Variants in LZTFL1 observed in about 807,000 individuals in gnomAD.
LZTFL1 encodes leucine zipper transcription factor-like protein 1.
A neutral mutation model predicts 45.9 loss-of-function variants in LZTFL1; 25 were observed. That is an observed-to-expected ratio of 0.54 (90% confidence interval 0.40 to 0.76). The LOEUF (loss-of-function observed/expected upper bound fraction) is 0.76, where lower values mean the gene tolerates loss of function less well. LZTFL1 is among the 30% of genes least tolerant of loss of function. The pLI is 0.00. For missense variants in LZTFL1, 277 were observed against 331.1 expected (o/e 0.84, Z 1.27); for synonymous variants, 93 against 117.4 (o/e 0.79, Z 1.35).
intron 9 of LZTFL1, 151 bp downstream of exon 9, chr3:45,827,205 G>C: frequency 1.5e-6 from 1 of 661,988 alleles, no homozygotes; most frequent in South Asian, 1.7e-5. Flanking sequence ...GGTCAGGCCA[G>C]AGCTCCTCCA....
intron 2 of LZTFL1, among the ~76,000 whole-genome samples, chr3:45,880,667 GT>G (rs1347109418): frequency 2.0e-5 from 3 of 152,162 alleles, no homozygotes; most frequent in Non-Finnish European, 1.5e-5. Context: ...CCTCCTGCCT[GT>G]TGGTCTTTCT....
intron 4 of LZTFL1, among the ~76,000 whole-genome samples, chr3:45,848,137 A>G (rs886172951): frequency 4.1e-4 from 62 of 152,190 alleles, no homozygotes; most frequent in African/African-American, 1.4e-3. Context: ...TATATTAGAG[A>G]TGCCTTTCTT....
Position 45,901,199 on chromosome 3 carries a change from C to A in LZTFL1, c.-215+11921G>T. On this transcript the variant is annotated intron_variant, in intron 2 of 4. Transcript: ENST00000472635. The surrounding 1 kb of genome is among the most constrained non-coding windows in gnomAD (Gnocchi z 4.3). Reference sequence around the variant, plus strand: ...ACTTCTACAGCTGTGTGTTGCTGATCATGTGCATCAGCGTGGACAGGTACA... The same window carrying A: ...ACTTCTACAGCTGTGTGTTGCTGATAATGTGCATCAGCGTGGACAGGTACA... The A allele has an allele frequency of 6.2e-7, 1 of 1,614,050 alleles. No individual in the cohort carries two copies. Among genetic ancestry groups the A allele is most frequent in the Non-Finnish European group, 8.5e-7 (1 of 1,179,886 alleles).
chr3:45,850,137 A>G (rs775378203), intron 4 of LZTFL1, among the ~76,000 whole-genome samples: 1 of 152,246 alleles, frequency 6.6e-6, no homozygotes, highest in Non-Finnish European at 1.5e-5. Context: ...AAAACCTTCT[A>G]CAATGTGAGT....
intron 2 of LZTFL1, among the ~76,000 whole-genome samples, chr3:45,882,832 A>G (rs1701886160): frequency 7.0e-6 from 1 of 142,862 alleles, no homozygotes; most frequent in Non-Finnish European, 1.5e-5. Flanking sequence ...TATTATTATT[A>G]TTAACATTTT....
At chr3:45,870,720 G>A (rs1338853998) in intron 2 of LZTFL1, among the ~76,000 whole-genome samples, 8 of 152,268 alleles carry the variant, frequency 5.3e-5, no homozygotes, top group Non-Finnish European at 2.9e-5. Context: ...ACACAATTAA[G>A]CAATTTATTC....
At chr3:45,885,394 C>G (rs778167431) in intron 2 of LZTFL1, among the ~76,000 whole-genome samples, 37 of 152,174 alleles carry the variant, frequency 2.4e-4, no homozygotes, top group Non-Finnish European at 3.5e-4. Flanking sequence ...ATTAAAAATG[C>G]AATATTTTGT....
chr3:45,852,923 G>A (rs2125703137), intron 4 of LZTFL1, among the ~76,000 whole-genome samples: 1 of 152,312 alleles, frequency 6.6e-6, no homozygotes, highest in South Asian at 2.1e-4. Flanking sequence ...TTCAGGCCAT[G>A]AGACCTAGAT....
chr3:45,899,080 C>T (rs954502208), intron 2 of LZTFL1, among the ~76,000 whole-genome samples: 6 of 152,198 alleles, frequency 3.9e-5, no homozygotes, highest in Non-Finnish European at 7.4e-5. Flanking sequence ...GCAGGAGAAT[C>T]GCTTGAACCT....
chr3:45,847,345 C>A (rs1342756142), intron 4 of LZTFL1, among the ~76,000 whole-genome samples: 1 of 152,130 alleles, frequency 6.6e-6, no homozygotes, highest in Non-Finnish European at 1.5e-5. Context: ...TCTTTCCAGA[C>A]CTCCATGATG....
At chr3:45,862,340 C>G (rs1313684581) in intron 2 of LZTFL1, among the ~76,000 whole-genome samples, 1 of 152,214 alleles carries the variant, frequency 6.6e-6, no homozygotes, top group African/African-American at 2.4e-5. Context: ...CAAACCTTGG[C>G]CATGCACGAG....
rs575964115 is a variant in LZTFL1, at chr3:45,835,803, C to T, written c.129-19G>A. The T allele has an allele frequency of 6.4e-7, 1 of 1,553,412 alleles. No individual in the cohort carries two copies. The highest frequency in any genetic ancestry group is 2.3e-5 in the East Asian group (1 of 43,954). ...CACCAGCCTGAAAAACAACCATGATCCAAAACTTATAGAAAAACAACAAGA... is the reference window on the plus strand; with the variant it reads ...CACCAGCCTGAAAAACAACCATGATTCAAAACTTATAGAAAAACAACAAGA... On this transcript the variant is annotated intron_variant, in intron 2 of 9. Coordinates refer to ENST00000296135, the MANE Select transcript of LZTFL1 (RefSeq NM_020347.4).
At chr3:45,847,436 T>C (rs1407556354) in intron 4 of LZTFL1, among the ~76,000 whole-genome samples, 1 of 152,180 alleles carries the variant, frequency 6.6e-6, no homozygotes, top group African/African-American at 2.4e-5. Flanking sequence ...TAAAGGTCCT[T>C]ATGACCCCCG....
Position 45,897,875 on chromosome 3 carries a change from A to G in LZTFL1, c.-215+15245T>C, listed in dbSNP as rs997331005. Among the ~76,000 whole-genome samples the G allele has an allele frequency of 9.9e-5, 15 of 151,344 alleles. 1 individual carries two copies. The highest frequency in any genetic ancestry group is 9.9e-4 in the Admixed American group (15 of 15,142). ...CTTGCTGGACCGGAGAAGCAACTCC[A>G]GGCAGCAAGACCCCTGGGCCCTCAT... On this transcript the variant is annotated intron_variant, in intron 2 of 4. Transcript: ENST00000472635.
chr3:45,840,644 A>C (rs1273242794), intron 1 of LZTFL1, among the ~76,000 whole-genome samples: 2 of 152,236 alleles, frequency 1.3e-5, no homozygotes. Flanking sequence ...AAGAGCTGAA[A>C]ACATACAGCA....
chr3:45,875,126 A>C (rs963838594), intron 2 of LZTFL1, among the ~76,000 whole-genome samples: 13 of 152,218 alleles, frequency 8.5e-5, no homozygotes, highest in Admixed American at 7.9e-4. Flanking sequence ...TTACTGATAC[A>C]TCCTGTTTAT....
In LZTFL1 at chr3:45,825,057, A is replaced by G. The variant is rs1048608777; in HGVS notation, c.*1257T>C. 7.6e-6 allele frequency: 3 copies of G among 394,658 alleles called. No homozygotes were observed. The highest frequency in any genetic ancestry group is 1.3e-5 in the Non-Finnish European group (3 of 223,840). 24.4% of individuals were successfully genotyped at this position (394,658 alleles called of 1,614,324 possible). A position where few individuals can be genotyped will look rare whatever the true frequency, so the allele number is the denominator to read the frequency against. ...TAACAAAAAGCCTATAAGAAAAATA[A>G]TAAATTCAAGGCTATTACTAAAAGC... is the stretch of plus-strand genomic sequence containing the variant. On this transcript the variant is annotated 3_prime_UTR_variant, in exon 10 of 10. Transcript: ENST00000296135.
At chr3:45,869,288 T>C (rs539644185) in intron 2 of LZTFL1, among the ~76,000 whole-genome samples, 2 of 152,352 alleles carry the variant, frequency 1.3e-5, no homozygotes, top group South Asian at 4.1e-4. Flanking sequence ...ATGTTTGTTA[T>C]GGGAAACCCT....
intron 8 of LZTFL1, 38 bp from the exon 9 acceptor site, chr3:45,827,497 T>G: frequency 2.3e-6 from 3 of 1,284,226 alleles, no homozygotes; most frequent in Non-Finnish European, 3.4e-6. Context: ...ACTAAAAAAA[T>G]AGTTAAGGAA....
Sources: gnomAD v4.1 joint callset for allele counts (sites outside exome capture counted in the v4.1 genomes callset) on GRCh38, gnomAD v4.1.1 for gene constraint, Gnocchi (gnomAD v3.1) non-coding constraint, MANE v1.5 for transcripts, NCBI Gene and HGNC (gene_info 2026-07-23, HGNC 2026-07-21) for gene names.